LARP4B: variants seen among roughly 807,000 people sequenced by gnomAD.
The protein encoded by LARP4B is la-related protein 4B.
LARP4B carries 12 observed loss-of-function variants against 89.8 expected under a neutral mutation model. The observed-to-expected ratio is 0.13, with a 90% confidence interval of 0.09 to 0.22. The LOEUF (loss-of-function observed/expected upper bound fraction) is 0.22, where lower values mean the gene tolerates loss of function less well. Among genes scored for constraint, LARP4B ranks in the 10% least tolerant of loss-of-function variants. LARP4B has a pLI of 1.00. For missense variants in LARP4B, 757 were observed against 947.7 expected, an observed-to-expected ratio of 0.80 and a Z score of 2.64; for synonymous variants, 367 against 363.3, an observed-to-expected ratio of 1.01 and a Z score of -0.12.
intron 1 of LARP4B, among the ~76,000 whole-genome samples, chr10:890,145 C>T (rs1835973877): frequency 6.6e-6 from 1 of 152,188 alleles, no homozygotes; most frequent in Non-Finnish European, 1.5e-5. Context: ...AAAAGTGTAA[C>T]TATTTTTGTC....
rs1834602367 is a variant in LARP4B, at chr10:861,256, T to C, written c.430+2487A>G. Among the ~76,000 whole-genome samples the C allele has an allele frequency of 3.3e-5, 5 of 152,252 alleles. No homozygotes were observed. In the South Asian group the frequency reaches 1.0e-3, roughly 32 times the overall value. ...TTCGTGATCTTGATTGTGCTGAGGA[T>C]TTTACAGGTACAGAACAACTTATCA... On this transcript the variant is annotated intron_variant, in intron 5 of 17. Coordinates refer to ENST00000316157, the MANE Select transcript of LARP4B (RefSeq NM_015155.3).
At chr10:948,142 T>C in the LARP4B span, among the ~76,000 whole-genome samples, 1 of 151,806 alleles carries the variant, frequency 6.6e-6, no homozygotes, top group Non-Finnish European at 1.5e-5. Flanking sequence ...GCCCAAGGCA[T>C]GCATTCATTC....
chr10:966,649 C>T, the LARP4B span, among the ~76,000 whole-genome samples: 4 of 152,204 alleles, frequency 2.6e-5, no homozygotes, highest in South Asian at 4.1e-4. Context: ...CCATGGGTGT[C>T]GGGCGAAGGC....
intron 5 of LARP4B, among the ~76,000 whole-genome samples, chr10:851,206 T>TG (rs1407211054): frequency 4.1e-5 from 6 of 144,898 alleles, no homozygotes; most frequent in African/African-American, 1.6e-4. Context: ...TTTTTTGAGA[T>TG]GGAGTTTCGC....
chr10:879,723 T>C (rs1835595648), intron 3 of LARP4B, among the ~76,000 whole-genome samples: 2 of 152,182 alleles, frequency 1.3e-5, no homozygotes, highest in South Asian at 4.1e-4. Flanking sequence ...CGCCTTGGCC[T>C]CCCAAAGTGC....
chr10:946,641 A>T, the LARP4B span, among the ~76,000 whole-genome samples: 2 of 152,134 alleles, frequency 1.3e-5, no homozygotes, highest in Non-Finnish European at 2.9e-5. Context: ...AATTTTGGCA[A>T]GTTATTTAAC....
intron 15 of LARP4B, 124 bp from the exon 16 acceptor site, chr10:815,194 G>T (rs758438725): frequency 4.4e-6 from 5 of 1,140,452 alleles, no homozygotes; most frequent in East Asian, 2.6e-5. Context: ...GGGGAAGAGG[G>T]TCTTCTCCAG....
At chr10:873,282 G>A (rs1169683023) in intron 3 of LARP4B, 3 of 985,218 alleles carry the variant, frequency 3.0e-6, no homozygotes, top group East Asian at 1.1e-4. Context: ...GCGGTCACAT[G>A]TTCCTGCCAC....
rs530662324 is a variant in LARP4B at position 891,649 on chromosome 10, T to C, written c.-39-5889A>G. Among the ~76,000 whole-genome samples, 3 of 152,274 alleles carry C rather than the reference T, an allele frequency of 2.0e-5. No homozygotes were observed. The East Asian group carries it at 5.8e-4, about 29-fold the overall frequency. ...ACCTTTGTACATTTGAAATTTTCTA[T>C]AATAAAAGGTTAAAAAAGTAACCAT... On this transcript the variant is annotated intron_variant, in intron 1 of 17. Coordinates refer to ENST00000316157, the MANE Select transcript of LARP4B (RefSeq NM_015155.3).
At chr10:817,493 G>A (rs1832124705) in intron 15 of LARP4B, among the ~76,000 whole-genome samples, 1 of 152,158 alleles carries the variant, frequency 6.6e-6, no homozygotes, top group African/African-American at 2.4e-5. Context: ...GGCACATCAT[G>A]GCACACGTTT....
At chr10:832,764 A>T (rs1050416315) in intron 8 of LARP4B, among the ~76,000 whole-genome samples, 8 of 152,214 alleles carry the variant, frequency 5.3e-5, no homozygotes, top group African/African-American at 1.9e-4. Context: ...TTTCCCAAAC[A>T]TACTAAAGCT....
chr10:901,320 A>C (rs1836338219), intron 1 of LARP4B, among the ~76,000 whole-genome samples: 1 of 152,192 alleles, frequency 6.6e-6, no homozygotes, highest in African/African-American at 2.4e-5. Flanking sequence ...TTCCTCATCC[A>C]TCTGCCTTGT....
At chr10:895,610 T>C (rs112893206) in intron 1 of LARP4B, among the ~76,000 whole-genome samples, 68 of 151,212 alleles carry the variant, frequency 4.5e-4, no homozygotes, top group African/African-American at 1.2e-3. Flanking sequence ...GAGGTGGAGA[T>C]TGCAGTGAGC....
At chr10:893,533 C>T (rs1172051986) in intron 1 of LARP4B, among the ~76,000 whole-genome samples, 1 of 152,198 alleles carries the variant, frequency 6.6e-6, no homozygotes, top group Non-Finnish European at 1.5e-5. Flanking sequence ...ATATCCTTTT[C>T]CTATTCTGGG....
chr10:924,730 A>C (rs1286765792), intron 1 of LARP4B, among the ~76,000 whole-genome samples: 1 of 152,190 alleles, frequency 6.6e-6, no homozygotes, highest in East Asian at 1.9e-4. Flanking sequence ...TCACAACCTC[A>C]GGGAAGCCTT....
intron 3 of LARP4B, among the ~76,000 whole-genome samples, chr10:883,280 G>A (rs1035776513): frequency 2.6e-5 from 4 of 152,196 alleles, no homozygotes; most frequent in African/African-American, 7.2e-5. Context: ...GGGAGGCCGA[G>A]GCAGGCAGAT....
chr10:871,837 G>C (rs185535284), intron 3 of LARP4B, among the ~76,000 whole-genome samples: 1 of 152,266 alleles, frequency 6.6e-6, no homozygotes, highest in African/African-American at 2.4e-5. Context: ...AGAAATCATC[G>C]TTGTCTCTTA....
At chr10:852,716 T>C (rs1237733980) in intron 5 of LARP4B, among the ~76,000 whole-genome samples, 2 of 152,204 alleles carry the variant, frequency 1.3e-5, no homozygotes, top group African/African-American at 4.8e-5. Context: ...CAATCATCTA[T>C]GTAGAAAATC....
the LARP4B span, among the ~76,000 whole-genome samples, chr10:956,044 C>T: frequency 6.6e-6 from 1 of 152,158 alleles, no homozygotes; most frequent in Non-Finnish European, 1.5e-5. The surrounding 1 kb of genome is among the most constrained non-coding windows in gnomAD (Gnocchi z 4.3). Context: ...GGTGGGGACA[C>T]AGGATCTGCA....
Sources: gnomAD v4.1 joint callset for allele counts (sites outside exome capture counted in the v4.1 genomes callset) on GRCh38, gnomAD v4.1.1 for gene constraint, Gnocchi (gnomAD v3.1) non-coding constraint, MANE v1.5 for transcripts, NCBI Gene and HGNC (gene_info 2026-07-23, HGNC 2026-07-21) for gene names.